Variants in DEPTOR observed in about 807,000 individuals in gnomAD.
DEPTOR encodes the protein DEP domain containing MTOR interacting protein.
Under a neutral mutation model 41.6 loss-of-function variants are expected in DEPTOR, and 41 were observed. That is an observed-to-expected ratio of 0.98 (90% CI 0.77 to 1.28). DEPTOR has a LOEUF of 1.28. Ranked by LOEUF, DEPTOR falls within the 50% of genes most tolerant of loss-of-function variation. DEPTOR has a pLI of 0.00. For missense variants in DEPTOR, 514 were observed against 527.9 expected, an observed-to-expected ratio of 0.97 and a Z score of 0.26; for synonymous variants, 195 against 192.3, an observed-to-expected ratio of 1.01 and a Z score of -0.12.
chr8:120,006,723 C>T (rs1812443677), intron 6 of DEPTOR, 82 bp from the exon 7 acceptor site: 10 of 1,256,216 alleles, frequency 8.0e-6, no homozygotes, highest in Admixed American at 1.7e-5. Context: ...TGGTCACCTA[C>T]GAGATATCAA....
intron 3 of DEPTOR, among the ~76,000 whole-genome samples, chr8:119,935,267 A>G (rs1047729385): frequency 2.6e-5 from 4 of 152,194 alleles, no homozygotes; most frequent in African/African-American, 9.7e-5. Flanking sequence ...TTTCCCAAAC[A>G]GTACAATTTT....
chr8:119,910,070 C>A (rs1827717861), intron 1 of DEPTOR, among the ~76,000 whole-genome samples: 1 of 152,122 alleles, frequency 6.6e-6, no homozygotes, highest in African/African-American at 2.4e-5. Context: ...CCTGGAGATC[C>A]AGATAGAGGT....
intron 1 of DEPTOR, among the ~76,000 whole-genome samples, chr8:119,877,732 T>C (rs1034674551): frequency 2.0e-5 from 3 of 152,250 alleles, no homozygotes; most frequent in Admixed American, 1.3e-4. Flanking sequence ...TTAACCTCTC[T>C]AGTCCTAAGC....
intron 4 of DEPTOR, among the ~76,000 whole-genome samples, chr8:119,974,307 C>T (rs1047170901): frequency 5.6e-5 from 8 of 143,428 alleles, no homozygotes; most frequent in Non-Finnish European, 1.2e-4. Context: ...CAAGATTACA[C>T]CGAGGAGGAA....
At chr8:119,948,567 A>G (rs1023751775) in intron 3 of DEPTOR, among the ~76,000 whole-genome samples, 4 of 152,112 alleles carry the variant, frequency 2.6e-5, no homozygotes, top group East Asian at 1.9e-4. Flanking sequence ...TTTAAAGCAT[A>G]TAAGTTAATT....
intron 3 of DEPTOR, among the ~76,000 whole-genome samples, chr8:119,963,902 T>C (rs1200354775): frequency 1.3e-5 from 2 of 152,132 alleles, no homozygotes; most frequent in African/African-American, 4.8e-5. Context: ...AAATATACCA[T>C]AGGCTGAGTA....
intron 1 of DEPTOR, among the ~76,000 whole-genome samples, chr8:119,907,477 G>C (rs1289396804): frequency 6.6e-6 from 1 of 152,116 alleles, no homozygotes; most frequent in African/African-American, 2.4e-5. Flanking sequence ...TCAAGAAATA[G>C]AAAGAAATAG....
intron 8 of DEPTOR, among the ~76,000 whole-genome samples, chr8:120,037,896 G>A (rs1042244025): frequency 1.3e-5 from 2 of 152,138 alleles, no homozygotes; most frequent in Admixed American, 6.6e-5. Context: ...GTTGGCAATG[G>A]TGGTGATAAT....
At chr8:119,879,951 G>T (rs148786079) in intron 1 of DEPTOR, among the ~76,000 whole-genome samples, 2,829 of 152,168 alleles carry the variant, frequency 0.019, 87 homozygotes, top group African/African-American at 0.063. Flanking sequence ...AGACCAGCCT[G>T]GCCAAGATGG....
At chr8:119,988,219 G>A (rs1286810636) in intron 4 of DEPTOR, among the ~76,000 whole-genome samples, 1 of 152,198 alleles carries the variant, frequency 6.6e-6, no homozygotes, top group Admixed American at 6.5e-5. Flanking sequence ...GGAATGCACT[G>A]TTCCTCATGG....
intron 3 of DEPTOR, among the ~76,000 whole-genome samples, chr8:119,937,915 C>T (rs1487659837): frequency 6.6e-6 from 1 of 152,152 alleles, no homozygotes; most frequent in East Asian, 1.9e-4. Context: ...AGAAAACTTG[C>T]CCTCTGTCTG....
intron 4 of DEPTOR, among the ~76,000 whole-genome samples, chr8:119,973,150 G>T (rs1015213462): frequency 2.6e-5 from 4 of 151,852 alleles, no homozygotes; most frequent in Non-Finnish European, 4.4e-5. Context: ...TGTTGGTCAG[G>T]CTGCTCTCGA....
chr8:119,995,603 G>C (rs1433623512), intron 4 of DEPTOR, among the ~76,000 whole-genome samples: 1 of 149,758 alleles, frequency 6.7e-6, no homozygotes, highest in South Asian at 2.1e-4. Context: ...AAAAAAAAAA[G>C]AAAAGAAAAG....
chr8:119,908,569 G>A (rs1827697516), intron 1 of DEPTOR, among the ~76,000 whole-genome samples: 1 of 152,192 alleles, frequency 6.6e-6, no homozygotes, highest in Admixed American at 6.5e-5. Flanking sequence ...TAAAAGTACA[G>A]GTGACTGCCT....
At chr8:119,986,808 C>T (rs188610035) in intron 4 of DEPTOR, among the ~76,000 whole-genome samples, 1 of 151,662 alleles carries the variant, frequency 6.6e-6, no homozygotes, top group African/African-American at 2.4e-5. Flanking sequence ...CTTTCTTCTG[C>T]TTGATCGATT....
At chr8:119,901,696 A>G (rs1212662411) in intron 1 of DEPTOR, among the ~76,000 whole-genome samples, 1 of 150,220 alleles carries the variant, frequency 6.7e-6, no homozygotes, top group African/African-American at 2.5e-5. Context: ...AAAAAAAAAG[A>G]ACGAAAGATG....
chr8:119,978,206 C>T (rs1337806467), intron 4 of DEPTOR, among the ~76,000 whole-genome samples: 2 of 152,222 alleles, frequency 1.3e-5, no homozygotes, highest in Non-Finnish European at 2.9e-5. Context: ...TCTTAAAACG[C>T]CAGCACAATA....
In DEPTOR at chr8:119,965,355, G is replaced by GA. The variant is rs1331118050; in HGVS notation, c.552dup (p.Glu185ArgfsTer49). 3.7e-6 allele frequency: 6 copies of GA among 1,614,030 alleles called. No homozygotes were observed. The Admixed American group carries it at 5.0e-5, about 13-fold the overall frequency. On this transcript the variant is annotated frameshift_variant, in exon 4 of 9. Transcript: ENST00000286234. LOFTEE classifies it high-confidence loss of function. Reference sequence around the variant, plus strand: ...TTCAGGAAGGTGAGGCCACCACGAGGAAAGAGGCAGAGCAGCTTTGCCACC... The same window carrying GA: ...TTCAGGAAGGTGAGGCCACCACGAGGAAAAGAGGCAGAGCAGCTTTGCCACC...
At position 119,873,862 on chromosome 8, in the gene DEPTOR, A is replaced by G. The variant is rs1429826809; in HGVS notation, c.16A>G (p.Ser6Gly). ...CCCTAAAACCATGGAGGAGGGCGGC[A>G]GCACTGGCAGTGCTGGCAGTGACAG... The part of the protein sequence containing the change: MEEGG[S>G]TGSAGSDSST... Residue 6 changes from serine to glycine, a missense_variant, in exon 1 of 9, where the codon AGC (serine) becomes GGC (glycine). By Grantham distance (56) the Ser-to-Gly change is moderately conservative (BLOSUM62 0). Coordinates refer to ENST00000286234, the MANE Select transcript of DEPTOR (RefSeq NM_022783.4). The G allele has an allele frequency of 6.2e-7, 1 of 1,613,374 alleles. No individual in the cohort carries two copies. Among genetic ancestry groups the G allele is most frequent in the East Asian group, 2.2e-5 (1 of 44,834 alleles).
Sources: gnomAD v4.1 joint callset for allele counts (sites outside exome capture counted in the v4.1 genomes callset) on GRCh38, gnomAD v4.1.1 for gene constraint, MANE v1.5 for transcripts, NCBI Gene and HGNC (gene_info 2026-07-23, HGNC 2026-07-21) for gene names.